Variants in USP47 observed in about 807,000 individuals in gnomAD.
USP47 encodes the protein ubiquitin carboxyl-terminal hydrolase 47.
A neutral mutation model predicts 165.1 loss-of-function variants in USP47; 35 were observed. That is an observed-to-expected ratio of 0.21 (90% CI 0.16 to 0.28). The LOEUF is 0.28. Among genes scored for constraint, USP47 ranks in the 10% least tolerant of loss-of-function variants. The pLI is 1.00. For synonymous variants in USP47, 531 were observed against 544.5 expected (o/e 0.98, Z 0.35); for missense variants, 1,277 against 1,607.4 (o/e 0.79, Z 3.52).
intron 1 of USP47, among the ~76,000 whole-genome samples, chr11:11,868,212 G>T (rs1849807323): frequency 6.6e-6 from 1 of 152,144 alleles, no homozygotes; most frequent in Non-Finnish European, 1.5e-5. Flanking sequence ...ATATTCACGT[G>T]ATATAGTCAA....
chr11:11,940,643 A>C, intron 19 of USP47, 95 bp downstream of exon 19: 1 of 1,339,532 alleles, frequency 7.5e-7, no homozygotes, highest in Non-Finnish European at 1.0e-6. Context: ...CAGCTGTTCA[A>C]CATCTGTCTG....
At chr11:11,932,190 G>C (rs975370488) in intron 14 of USP47, among the ~76,000 whole-genome samples, 11 of 152,072 alleles carry the variant, frequency 7.2e-5, no homozygotes, top group African/African-American at 2.7e-4. Context: ...GGGGTTGGGG[G>C]AGGGGTGCCA....
At chr11:11,880,528 G>T (rs1850759646) in intron 2 of USP47, 148 bp downstream of exon 2, 2 of 515,984 alleles carry the variant, frequency 3.9e-6, no homozygotes, top group Non-Finnish European at 6.0e-6. Context: ...TCAGTAATTG[G>T]ATCCTTCTTC....
At chr11:11,873,869 TG>T in intron 1 of USP47, 1 of 1,464,126 alleles carries the variant, frequency 6.8e-7, no homozygotes. Context: ...GGTAGACTGC[TG>T]ATGTAATTGC....
At chr11:11,930,575 A>C in intron 13 of USP47, 121 bp from the exon 14 acceptor site, 1 of 757,176 alleles carries the variant, frequency 1.3e-6, no homozygotes, top group Non-Finnish European at 2.2e-6. Context: ...TGTGTCTGTG[A>C]ACAGTGACAT....
intron 10 of USP47, among the ~76,000 whole-genome samples, chr11:11,921,481 T>A (rs557979918): frequency 6.6e-6 from 1 of 151,948 alleles, no homozygotes; most frequent in African/African-American, 2.4e-5. Flanking sequence ...CTTTTGAGCC[T>A]CATTTCCAGA....
chr11:11,861,852 A>G (rs967048857), intron 1 of USP47, among the ~76,000 whole-genome samples: 8 of 152,188 alleles, frequency 5.3e-5, no homozygotes. Flanking sequence ...TGATATAGTG[A>G]CATGTAATTT....
chr11:11,871,535 A>C (rs1297785334), intron 1 of USP47, among the ~76,000 whole-genome samples: 1 of 102,818 alleles, frequency 9.7e-6, no homozygotes, highest in Non-Finnish European at 2.2e-5. Flanking sequence ...AAAAAAAAAA[A>C]AAAGAATTCT....
intron 20 of USP47, 84 bp from the exon 21 acceptor site, chr11:11,947,861 T>TA: frequency 2.1e-6 from 3 of 1,425,218 alleles, no homozygotes; most frequent in Non-Finnish European, 2.8e-6. Flanking sequence ...TACAGTGTAA[T>TA]AAAAAGTATA....
At chr11:11,883,615 AT>A (rs1850970553) in intron 2 of USP47, among the ~76,000 whole-genome samples, 2 of 152,214 alleles carry the variant, frequency 1.3e-5, no homozygotes, top group Non-Finnish European at 2.9e-5. Context: ...CATTAAAAAC[AT>A]TTCTTAATGT....
At chr11:11,950,244 C>T in intron 23 of USP47, 120 bp from the exon 24 acceptor site, 1 of 748,082 alleles carries the variant, frequency 1.3e-6, no homozygotes, top group South Asian at 2.1e-5. Flanking sequence ...ATTTTAACAA[C>T]TCATTATTTG....
At chr11:11,943,957 A>G (rs1242323087) in intron 20 of USP47, 2 of 151,908 alleles carry the variant, frequency 1.3e-5, no homozygotes, top group Non-Finnish European at 2.9e-5. Flanking sequence ...AGCTTCTCCA[A>G]ACTTTGTAAA....
intron 8 of USP47, among the ~76,000 whole-genome samples, chr11:11,908,822 G>C (rs1219061462): frequency 2.6e-5 from 4 of 152,080 alleles, no homozygotes; most frequent in Non-Finnish European, 5.9e-5. Flanking sequence ...AGGCTCTTCT[G>C]CCATTCTGTA....
chr11:11,950,064 G>A (rs1856115664), intron 23 of USP47, 60 bp downstream of exon 23: 1 of 1,237,266 alleles, frequency 8.1e-7, no homozygotes, highest in Non-Finnish European at 1.2e-6. Context: ...AGTTGAAATG[G>A]ACTGGTATGA....
chr11:11,892,421 G>C (rs1339676033), intron 4 of USP47, among the ~76,000 whole-genome samples: 1 of 87,002 alleles, frequency 1.1e-5, no homozygotes, highest in Non-Finnish European at 2.2e-5. Context: ...TTGTTCTGTT[G>C]CCCAAGCTGG....
rs1488615394 is a variant in USP47, at chr11:11,952,790, G to T, written c.3633G>T (p.Arg1211=). 6 of 1,613,204 alleles carry T rather than the reference G, an allele frequency of 3.7e-6. No individual in the cohort carries two copies. The highest frequency in any genetic ancestry group is 5.1e-6 in the Non-Finnish European group (6 of 1,179,486). Residue 1211 remains arginine (R), a synonymous_variant, in exon 25 of 28, where the codon CGG becomes CGT. Transcript: ENST00000527733. ...SMSQLAVLSR[R]WKPSEMKLDP... is the part of the protein sequence containing the mutation. ...CACAGCTTGCAGTTTTGTCAAGACGGTGGAAGCCTTCAGAGATGAAGTTGG... is the reference window on the plus strand; with the variant it reads ...CACAGCTTGCAGTTTTGTCAAGACGTTGGAAGCCTTCAGAGATGAAGTTGG...
rs1199424072 is a variant in USP47, at chr11:11,955,037, A to G, written c.3766A>G (p.Arg1256Gly). 3.1e-6 allele frequency: 5 copies of G among 1,613,664 alleles called. No individual in the cohort carries two copies. The highest frequency in any genetic ancestry group is 1.3e-5 in the African/African-American group (1 of 75,026). Residue 1256 changes from arginine (R) to glycine (G), a missense_variant, in exon 27 of 28, where the codon AGA (arginine) becomes GGA (glycine). Physicochemically the swap from Arg to Gly is moderately radical, Grantham distance 125. Around this residue, in one of 4 missense-constraint regions of USP47, gnomAD observed 909 missense variants for 1,068.1 expected, o/e 0.85. Transcript: ENST00000527733. ...CATTCATTCTTTTTCTTTTTAGGGT[A>G]GAGGAACATTTCCCTGTGATATTTC... is the stretch of plus-strand genomic sequence containing the variant. ...PLDDIEFAKGRGTFPCDISVL... is the reference protein window; with the variant it reads ...PLDDIEFAKGGGTFPCDISVL...
intron 7 of USP47, among the ~76,000 whole-genome samples, chr11:11,904,115 C>G (rs920734768): frequency 1.3e-5 from 2 of 152,152 alleles, no homozygotes; most frequent in African/African-American, 4.8e-5. Flanking sequence ...GAGAACATCA[C>G]ATAAGAGTAA....
intron 11 of USP47, among the ~76,000 whole-genome samples, chr11:11,925,634 GT>G (rs34781797): frequency 2.7e-4 from 40 of 146,396 alleles, no homozygotes; most frequent in East Asian, 1.8e-3. Context: ...ACTTGTTAGG[GT>G]TTTTTTTTTT....
Sources: gnomAD v4.1 joint callset for allele counts (sites outside exome capture counted in the v4.1 genomes callset) on GRCh38, gnomAD v4.1.1 for gene constraint, gnomAD v4.1.1 regional missense constraint, MANE v1.5 for transcripts, NCBI Gene and HGNC (gene_info 2026-07-23, HGNC 2026-07-21) for gene names.